Variants in CLYBL observed in about 807,000 individuals in gnomAD.
The protein encoded by CLYBL is citramalyl-CoA lyase.
A neutral mutation model predicts 38.9 loss-of-function variants in CLYBL; 31 were observed. The ratio of observed to expected loss-of-function variants is 0.80; its 90% CI spans 0.60 to 1.08. The LOEUF is 1.08. Among genes scored for constraint, CLYBL ranks in the 50% least tolerant of loss-of-function variants. CLYBL has a pLI of 0.00. For synonymous variants in CLYBL, 171 were observed against 158.6 expected (o/e 1.08, Z -0.59); for missense variants, 434 against 411.6 (o/e 1.05, Z -0.47).
At position 99,850,427 on chromosome 13, in the gene CLYBL, T is replaced by C. The variant is rs1444565987; in HGVS notation, c.250-8434T>C. 4.6e-5 allele frequency among the ~76,000 whole-genome samples: 7 copies of C among 152,280 alleles called. No homozygotes were observed. In the South Asian group the frequency reaches 1.0e-3, roughly 23 times the overall value. On this transcript the variant is annotated intron_variant, in intron 2 of 8. Transcript: ENST00000339105. ...CAGAGATGCTCAGCATCATTAGCCATTGGAGAAATGCAAAACAAAACCCAT... is the reference window on the plus strand; with the variant it reads ...CAGAGATGCTCAGCATCATTAGCCACTGGAGAAATGCAAAACAAAACCCAT...
chr13:99,902,117 C>T (rs1245180565), downstream of CLYBL, among the ~76,000 whole-genome samples: 2 of 152,184 alleles, frequency 1.3e-5, no homozygotes, highest in Non-Finnish European at 2.9e-5. Context: ...CATACAAACT[C>T]ATAAAGTGTA....
intron 1 of CLYBL, among the ~76,000 whole-genome samples, chr13:99,714,583 C>T (rs1440153778): frequency 1.3e-5 from 2 of 151,890 alleles, no homozygotes; most frequent in East Asian, 3.9e-4. Flanking sequence ...CGCCACTGCA[C>T]TTCCTCCTGG....
At chr13:99,866,481 C>A in intron 6 of CLYBL, 74 bp downstream of exon 6, 1 of 1,302,216 alleles carries the variant, frequency 7.7e-7, no homozygotes. Context: ...GACCCGAAAA[C>A]ACCCCTAATC....
At chr13:99,707,261 C>T (rs150333351) in intron 1 of CLYBL, among the ~76,000 whole-genome samples, 171 of 152,086 alleles carry the variant, frequency 1.1e-3, no homozygotes, top group Middle Eastern at 3.4e-3. Context: ...TATGCAATTT[C>T]ATTTTATTTT....
intron 1 of CLYBL, among the ~76,000 whole-genome samples, chr13:99,682,272 T>C (rs986124518): frequency 4.5e-4 from 69 of 151,916 alleles, no homozygotes; most frequent in African/African-American, 1.5e-3. Flanking sequence ...GCCTCCTGAG[T>C]AGCTGGGACT....
At chr13:99,612,520 T>C (rs1008489658) in intron 1 of CLYBL, among the ~76,000 whole-genome samples, 2 of 151,678 alleles carry the variant, frequency 1.3e-5, no homozygotes, top group African/African-American at 4.8e-5. Context: ...CCCAAGTAGC[T>C]GAGACTACAG....
intron 1 of CLYBL, among the ~76,000 whole-genome samples, chr13:99,763,954 T>G (rs1228173675): frequency 4.6e-5 from 7 of 152,186 alleles, no homozygotes; most frequent in Non-Finnish European, 1.0e-4. Flanking sequence ...TTTCCTTTTT[T>G]CGTCATGTCC....
chr13:99,855,514 A>G lies in CLYBL; in HGVS notation c.250-3347A>G, dbSNP rs112390197. On this transcript the variant is annotated intron_variant, in intron 2 of 8. Transcript: ENST00000339105. ...AAGAAAGAGAGAAAGAAAAAGAAGG[A>G]AAGTGTGAAGCGTGAAGGATGAGGT... is the stretch of plus-strand genomic sequence containing the variant. 5.4e-3 allele frequency among the ~76,000 whole-genome samples: 819 copies of G among 152,294 alleles called. 7 individuals carry two copies. The highest frequency in any genetic ancestry group is 0.019 in the African/African-American group (776 of 41,554).
chr13:99,876,924 A>T (rs997976286), intron 7 of CLYBL, among the ~76,000 whole-genome samples: 3 of 152,152 alleles, frequency 2.0e-5, no homozygotes, highest in Non-Finnish European at 1.5e-5. Flanking sequence ...GCAGAAACCA[A>T]TGAGGAAAGA....
At chr13:99,867,771 T>C (rs7995755) in intron 6 of CLYBL, among the ~76,000 whole-genome samples, 124,571 of 152,070 alleles carry the variant, frequency 0.82, 51,790 homozygotes, top group East Asian at 0.97. Flanking sequence ...GGCTGCCAGG[T>C]GGCCAGATGT....
Position 99,783,462 on chromosome 13 carries a change from A to AT in CLYBL, c.249+10464dup, listed in dbSNP as rs57118720. ...GATAAATTCAGTACTTTGGGGTGTAATTTTTTTTTTTTGAGACGGAGTGTT... is the reference window on the plus strand; with the variant it reads ...GATAAATTCAGTACTTTGGGGTGTAATTTTTTTTTTTTTGAGACGGAGTGTT... On this transcript the variant is annotated intron_variant, in intron 2 of 8. Transcript: ENST00000339105. 4.3e-3 allele frequency among the ~76,000 whole-genome samples: 633 copies of AT among 147,966 alleles called. 19 individuals are homozygous for AT. Among genetic ancestry groups the AT allele is most frequent in the Non-Finnish European group, 1.1e-3 (75 of 66,806 alleles).
chr13:99,651,669 C>T (rs576709163), intron 1 of CLYBL, among the ~76,000 whole-genome samples: 92 of 152,238 alleles, frequency 6.0e-4, no homozygotes, highest in Admixed American at 3.8e-3. Flanking sequence ...CAGTGGCTCA[C>T]GCCTGTAATC....
At chr13:99,790,786 A>G (rs1032528870) in intron 2 of CLYBL, among the ~76,000 whole-genome samples, 1 of 152,068 alleles carries the variant, frequency 6.6e-6, no homozygotes, top group African/African-American at 2.4e-5. Flanking sequence ...TGGAATCCTG[A>G]ACTCTCCCTT....
At position 99,788,416 on chromosome 13, in the gene CLYBL, T is replaced by C. The variant is rs531873852; in HGVS notation, c.249+15406T>C. On this transcript the variant is annotated intron_variant, in intron 2 of 8. Transcript: ENST00000339105. Reference sequence around the variant, plus strand: ...TGAGAGTTTTTAGCATGAAGGGCTGTTGAATTTTGTCAAAGGCCTTTTCTG... The same window carrying C: ...TGAGAGTTTTTAGCATGAAGGGCTGCTGAATTTTGTCAAAGGCCTTTTCTG... Among the ~76,000 whole-genome samples the C allele has an allele frequency of 2.4e-3, 363 of 152,342 alleles. 5 individuals are homozygous for C. The highest frequency in any genetic ancestry group is 6.9e-3 in the Admixed American group (106 of 15,298).
intron 2 of CLYBL, among the ~76,000 whole-genome samples, chr13:99,835,925 G>A (rs964803168): frequency 5.9e-5 from 9 of 152,296 alleles, no homozygotes; most frequent in Admixed American, 4.6e-4. Flanking sequence ...TGAGCTGACC[G>A]CCCAGGGGCC....
intron 7 of CLYBL, among the ~76,000 whole-genome samples, chr13:99,884,735 A>T (rs902242568): frequency 4.6e-5 from 7 of 152,190 alleles, no homozygotes; most frequent in Admixed American, 4.6e-4. Flanking sequence ...CAGGGAGCTG[A>T]TAGGCACAGG....
intron 1 of CLYBL, among the ~76,000 whole-genome samples, chr13:99,644,260 T>G (rs980871307): frequency 6.6e-6 from 1 of 152,150 alleles, no homozygotes; most frequent in Admixed American, 6.5e-5. Context: ...GGTGTATGTA[T>G]GTATATATGG....
At chr13:99,858,561 C>T (rs1001659385) in intron 2 of CLYBL, among the ~76,000 whole-genome samples, 1 of 152,190 alleles carries the variant, frequency 6.6e-6, no homozygotes, top group Non-Finnish European at 1.5e-5. Context: ...AACTATTTTC[C>T]CCTTCCCATT....
chr13:99,656,413 T>TGTC (rs571668383), intron 1 of CLYBL, among the ~76,000 whole-genome samples: 117 of 152,360 alleles, frequency 7.7e-4, no homozygotes, highest in Middle Eastern at 3.4e-3. Flanking sequence ...TCCCGCCATT[T>TGTC]GTCCCTCTAA....
Sources: gnomAD v4.1 joint callset for allele counts (sites outside exome capture counted in the v4.1 genomes callset) on GRCh38, gnomAD v4.1.1 for gene constraint, MANE v1.5 for transcripts, NCBI Gene and HGNC (gene_info 2026-07-23, HGNC 2026-07-21) for gene names.